USH2A: variants seen among roughly 807,000 people sequenced by gnomAD.
The protein encoded by USH2A is usherin.
USH2A carries 443 observed loss-of-function variants against 538.9 expected under a neutral mutation model. That is an observed-to-expected ratio of 0.82 (90% CI 0.76 to 0.89). USH2A has a LOEUF of 0.89. Among genes scored for constraint, USH2A ranks in the 40% least tolerant of loss-of-function variants. USH2A has a pLI of 0.00. For missense variants in USH2A, 6,633 were observed against 6,324.8 expected, an observed-to-expected ratio of 1.05 and a Z score of -1.65; for synonymous variants, 2,413 against 2,273.5, an observed-to-expected ratio of 1.06 and a Z score of -1.75.
intron 44 of USH2A, among the ~76,000 whole-genome samples, chr1:215,854,699 T>A (rs765033558): frequency 1.3e-5 from 2 of 152,164 alleles, no homozygotes; most frequent in Non-Finnish European, 2.9e-5. Context: ...AGTGCCTGAT[T>A]TACATAGGGC....
chr1:216,229,621 C>A (rs1272244457), intron 14 of USH2A, among the ~76,000 whole-genome samples: 1 of 152,118 alleles, frequency 6.6e-6, no homozygotes, highest in Non-Finnish European at 1.5e-5. Context: ...AGACTGAATT[C>A]TTTCTTTATT....
At chr1:216,231,247 TA>T (rs1558331713) in intron 14 of USH2A, among the ~76,000 whole-genome samples, 2 of 70,240 alleles carry the variant, frequency 2.8e-5, no homozygotes, top group African/African-American at 1.0e-4. Context: ...TATATATATA[TA>T]TTATATATAT....
intron 32 of USH2A, among the ~76,000 whole-genome samples, chr1:216,030,543 A>T (rs184540495): frequency 1.2e-3 from 164 of 141,006 alleles, no homozygotes; most frequent in African/African-American, 4.2e-3. Context: ...TATATAAATG[A>T]TATATAGATA....
chr1:215,910,843 C>A (rs1665763891), intron 38 of USH2A, among the ~76,000 whole-genome samples: 1 of 151,654 alleles, frequency 6.6e-6, no homozygotes, highest in Non-Finnish European at 1.5e-5. Flanking sequence ...ATTTTCTTAC[C>A]CATCCTTGAT....
chr1:215,687,877 G>A (rs1414294542), intron 61 of USH2A, among the ~76,000 whole-genome samples: 2 of 152,088 alleles, frequency 1.3e-5, no homozygotes, highest in Non-Finnish European at 2.9e-5. Context: ...CCTAATCTCT[G>A]AGGATACAAT....
chr1:216,122,200 G>C (rs961557602), intron 21 of USH2A, among the ~76,000 whole-genome samples: 6 of 152,072 alleles, frequency 3.9e-5, no homozygotes, highest in African/African-American at 1.2e-4. Flanking sequence ...TTTTTACCTG[G>C]GTGGGTATGG....
chr1:215,998,304 G>T (rs1668184673), intron 34 of USH2A, among the ~76,000 whole-genome samples: 1 of 151,968 alleles, frequency 6.6e-6, no homozygotes, highest in South Asian at 2.1e-4. Context: ...TCTTTTAAAA[G>T]ACCTTTGTGT....
chr1:216,304,731 G>C (rs2037281644), intron 9 of USH2A, among the ~76,000 whole-genome samples: 1 of 151,938 alleles, frequency 6.6e-6, no homozygotes, highest in Non-Finnish European at 1.5e-5. Context: ...AAACAATTCA[G>C]TTAAAGGACT....
intron 4 of USH2A, among the ~76,000 whole-genome samples, chr1:216,355,378 G>GGAAAGAAAGAAAGAAAGAAAGAAA (rs2038374505): frequency 8.9e-6 from 1 of 112,872 alleles, no homozygotes; most frequent in African/African-American, 3.4e-5. Context: ...AAAGAAAGAA[G>GGAAAGAAAGAAAGAAAGAAAGAAA]GAAAGAAACA....
intron 32 of USH2A, among the ~76,000 whole-genome samples, chr1:216,038,227 A>G (rs1459986195): frequency 1.3e-5 from 2 of 152,018 alleles, no homozygotes; most frequent in African/African-American, 4.8e-5. Flanking sequence ...GTCCTCAAAA[A>G]CTTTTTGTAA....
rs527321556 is a variant in USH2A at position 216,335,104 on chromosome 1, T to A, written c.785-7450A>T. ...ATAACTGAGATCATGCAAAGTATATTCTTGGATCACAATAGAAAAAATTAG... is the reference window on the plus strand; with the variant it reads ...ATAACTGAGATCATGCAAAGTATATACTTGGATCACAATAGAAAAAATTAG... On this transcript the variant is annotated intron_variant, in intron 4 of 71. Coordinates refer to ENST00000307340, the MANE Select transcript of USH2A (RefSeq NM_206933.4). Among the ~76,000 whole-genome samples, 4 of 151,886 alleles carry A rather than the reference T, an allele frequency of 2.6e-5. No individual in the cohort carries two copies. The East Asian group carries it at 7.7e-4, about 29-fold the overall frequency.
At position 216,163,599 on chromosome 1, in the gene USH2A, T is replaced by G. The variant is rs570990685; in HGVS notation, c.4627+11653A>C. On this transcript the variant is annotated intron_variant, in intron 21 of 71. Transcript: ENST00000307340. ...CTCTGGGACTCTGGTTGATGTGATC[T>G]TTCAGCAAATATCTAAATATTTTTG... Among the ~76,000 whole-genome samples, 3 of 151,986 alleles carry G rather than the reference T, an allele frequency of 2.0e-5. No homozygotes were observed. In the South Asian group the frequency reaches 6.2e-4, roughly 32 times the overall value.
intron 61 of USH2A, among the ~76,000 whole-genome samples, 190 bp from the exon 62 acceptor site, chr1:215,680,566 A>G (rs1490210344): frequency 6.6e-6 from 1 of 152,066 alleles, no homozygotes; most frequent in Middle Eastern, 3.2e-3. Flanking sequence ...CCGTGAATAT[A>G]TTACCCAATG....
At position 215,844,413 on chromosome 1, in the gene USH2A, T is replaced by A; in HGVS notation, c.9139A>T (p.Asn3047Tyr). Residue 3047 changes from asparagine to tyrosine, a missense_variant, in exon 46 of 72, where the codon AAT becomes TAT. Transcript: ENST00000307340. ...RVIWTSPSNP[N>Y]GVVTEYSIYV... ...ATAGAATACTCAGTGACAACACCAT[T>A]TGGGTTTGAAGGAGATGTCCAGATG... 1 of 1,613,582 alleles carries A rather than the reference T, an allele frequency of 6.2e-7. No individual in the cohort carries two copies. Among genetic ancestry groups the A allele is most frequent in the Non-Finnish European group, 8.5e-7 (1 of 1,179,854 alleles).
intron 32 of USH2A, among the ~76,000 whole-genome samples, chr1:216,008,426 C>G (rs186903361): frequency 6.6e-6 from 1 of 151,782 alleles, no homozygotes; most frequent in Non-Finnish European, 1.5e-5. Flanking sequence ...TCCTATAAAA[C>G]GGCCCCACCC....
chr1:215,668,555 G>A (rs1431202032), intron 64 of USH2A, among the ~76,000 whole-genome samples: 3 of 152,218 alleles, frequency 2.0e-5, no homozygotes, highest in East Asian at 1.9e-4. Flanking sequence ...AGTGAGATGA[G>A]TATGGAGGAG....
chr1:216,148,623 C>T (rs539181218), intron 21 of USH2A, among the ~76,000 whole-genome samples: 2,128 of 152,170 alleles, frequency 0.014, 40 homozygotes, highest in African/African-American at 0.049. Flanking sequence ...ATAAACTCTC[C>T]TTACAATTCC....
At chr1:216,350,975 A>T (rs1392865449) in intron 4 of USH2A, among the ~76,000 whole-genome samples, 1 of 152,114 alleles carries the variant, frequency 6.6e-6, no homozygotes, top group Middle Eastern at 3.2e-3. Flanking sequence ...CATCCTCTGA[A>T]ATCTAGGCAG....
At chr1:215,883,726 A>G (rs1448328007) in intron 41 of USH2A, among the ~76,000 whole-genome samples, 1 of 152,108 alleles carries the variant, frequency 6.6e-6, no homozygotes, top group African/African-American at 2.4e-5. Context: ...TCTATACCTA[A>G]ACTCTCTAGT....
Sources: gnomAD v4.1 joint callset for allele counts (sites outside exome capture counted in the v4.1 genomes callset) on GRCh38, gnomAD v4.1.1 for gene constraint, MANE v1.5 for transcripts, NCBI Gene and HGNC (gene_info 2026-07-23, HGNC 2026-07-21) for gene names.